AKAP19: variants seen among roughly 807,000 people sequenced by gnomAD.
AKAP19 encodes A-kinase anchoring protein 19.
At chr2:190,096,237 A>T in the AKAP19 span, among the ~76,000 whole-genome samples, 10 of 152,234 alleles carry the variant, frequency 6.6e-5, no homozygotes, top group African/African-American at 2.4e-4. Context: ...CTGTGGCCCA[A>T]CCTAACAAGA....
chr2:190,196,499 AT>A, the AKAP19 span, among the ~76,000 whole-genome samples: 1 of 145,610 alleles, frequency 6.9e-6, no homozygotes, highest in Non-Finnish European at 1.5e-5. Flanking sequence ...TCTATTATTA[AT>A]TTCTATTAAG....
chr2:190,184,819 A>G, the AKAP19 span, among the ~76,000 whole-genome samples: 6 of 150,742 alleles, frequency 4.0e-5, no homozygotes, highest in Admixed American at 3.9e-4. Context: ...ATGGGAGAGG[A>G]AATTTCCTTG....
the AKAP19 span, among the ~76,000 whole-genome samples, chr2:190,019,205 C>A: frequency 6.6e-6 from 1 of 152,194 alleles, no homozygotes; most frequent in South Asian, 2.1e-4. Flanking sequence ...ACTGTTTGAA[C>A]TCCCAGGTAG....
At chr2:190,038,517 G>A in the AKAP19 span, among the ~76,000 whole-genome samples, 1 of 152,044 alleles carries the variant, frequency 6.6e-6, no homozygotes, top group Non-Finnish European at 1.5e-5. Context: ...CTAGAATCAG[G>A]GCACCATCCT....
At chr2:190,046,641 TATAGACTTGAAATGAGA>T in the AKAP19 span, among the ~76,000 whole-genome samples, 1 of 152,236 alleles carries the variant, frequency 6.6e-6, no homozygotes, top group African/African-American at 2.4e-5. Context: ...CCATTCTAAA[TATAGACTTGAAATGAGA>T]GGATTATTCA....
At chr2:189,998,016 C>T in the AKAP19 span, among the ~76,000 whole-genome samples, 1 of 152,116 alleles carries the variant, frequency 6.6e-6, no homozygotes, top group Non-Finnish European at 1.5e-5. Context: ...ATATTTTGTG[C>T]TAAATCTGTT....
chr2:190,176,450 C>T, the AKAP19 span, among the ~76,000 whole-genome samples: 2 of 152,206 alleles, frequency 1.3e-5, no homozygotes, highest in East Asian at 1.9e-4. This position sits in a 1 kb window ranked among gnomAD's most constrained non-coding sequence, Gnocchi z 4.7. Context: ...CAGGTTCAAG[C>T]GATTCTCCTG....
the AKAP19 span, among the ~76,000 whole-genome samples, chr2:190,187,896 T>C: frequency 6.6e-6 from 1 of 152,210 alleles, no homozygotes; most frequent in East Asian, 1.9e-4. Context: ...ACATTTTTTC[T>C]TTGACGGACC....
the AKAP19 span, among the ~76,000 whole-genome samples, chr2:190,136,973 T>C: frequency 6.6e-6 from 1 of 152,200 alleles, no homozygotes; most frequent in African/African-American, 2.4e-5. Flanking sequence ...AGGAAAAGAT[T>C]GCTTTTGGAA....
chr2:190,200,707 A>T, the AKAP19 span: 1 of 169,466 alleles, frequency 5.9e-6, no homozygotes, highest in East Asian at 1.9e-4. Flanking sequence ...AAGTGTAACT[A>T]CCACCTTGGA....
At chr2:190,097,859 C>CAAAAA in the AKAP19 span, among the ~76,000 whole-genome samples, 522 of 61,240 alleles carry the variant, frequency 8.5e-3, no homozygotes, top group African/African-American at 9.5e-3. Context: ...TGGTTTCTAC[C>CAAAAA]AAAAAAAAAA....
chr2:189,968,778 T>C, the AKAP19 span, among the ~76,000 whole-genome samples: 1 of 152,180 alleles, frequency 6.6e-6, no homozygotes, highest in South Asian at 2.1e-4. Flanking sequence ...TTCTATCTAA[T>C]TTTTAAAATT....
the AKAP19 span, among the ~76,000 whole-genome samples, chr2:189,999,985 G>T: frequency 6.6e-6 from 1 of 152,140 alleles, no homozygotes; most frequent in Non-Finnish European, 1.5e-5. Context: ...TGGACTTATG[G>T]GTATATACTG....
chr2:189,913,398 A>C, the AKAP19 span, among the ~76,000 whole-genome samples: 3 of 152,104 alleles, frequency 2.0e-5, no homozygotes, highest in Non-Finnish European at 2.9e-5. Context: ...ATTAAAAATT[A>C]TCCAGATTTA....
the AKAP19 span, among the ~76,000 whole-genome samples, chr2:189,915,287 A>G: frequency 6.6e-6 from 1 of 152,088 alleles, no homozygotes. Flanking sequence ...TTGCCTCAAG[A>G]GTTTTAAAAG....
chr2:190,115,126 A>G, the AKAP19 span, among the ~76,000 whole-genome samples: 2 of 139,324 alleles, frequency 1.4e-5, no homozygotes, highest in African/African-American at 2.7e-5. Flanking sequence ...AGAGAGAGGG[A>G]GAGAGAGAGA....
the AKAP19 span, among the ~76,000 whole-genome samples, chr2:189,959,228 CAAAA>C: frequency 0.049 from 7,389 of 151,858 alleles, 264 homozygotes; most frequent in Non-Finnish European, 0.068. Flanking sequence ...CTAATATAAT[CAAAA>C]AACCTGAAAA....
At chr2:190,145,105 T>A in the AKAP19 span, among the ~76,000 whole-genome samples, 1 of 152,018 alleles carries the variant, frequency 6.6e-6, no homozygotes, top group Non-Finnish European at 1.5e-5. Context: ...GGCAATATAG[T>A]GAGACTTCAT....
the AKAP19 span, chr2:190,062,279 C>T: frequency 6.2e-7 from 1 of 1,613,176 alleles, no homozygotes; most frequent in Non-Finnish European, 8.5e-7. Flanking sequence ...CGTCATCTTC[C>T]AAAGAGCCAT....
Sources: allele counts gnomAD v4.1 joint callset (sites outside exome capture counted in the v4.1 genomes callset), GRCh38; gene constraint gnomAD v4.1.1; non-coding constraint Gnocchi (gnomAD v3.1); transcripts MANE v1.5; gene names NCBI Gene and HGNC (gene_info 2026-07-23, HGNC 2026-07-21).